Variants in FSTL4 observed in about 807,000 individuals in gnomAD.
FSTL4 encodes the protein follistatin like 4, also known as follistatin-related protein 4.
Under a neutral mutation model 78.2 loss-of-function variants are expected in FSTL4, and 28 were observed. That is an observed-to-expected ratio of 0.36 (90% CI 0.27 to 0.49). The LOEUF (loss-of-function observed/expected upper bound fraction) is 0.49. FSTL4 is among the 20% of genes least tolerant of loss of function. FSTL4 has a pLI of 0.98. For missense variants in FSTL4, 922 were observed against 1,084.9 expected (o/e 0.85, Z 2.11); for synonymous variants, 422 against 440.5 (o/e 0.96, Z 0.53).
At chr5:133,203,267 G>A (rs201707505) in intron 14 of FSTL4, among the ~76,000 whole-genome samples, 1 of 152,216 alleles carries the variant, frequency 6.6e-6, no homozygotes, top group African/African-American at 2.4e-5. Context: ...GTAGAAAGGA[G>A]GGTCTAGATT....
At chr5:133,381,625 CTCTTG>C (rs1755573707) in intron 4 of FSTL4, among the ~76,000 whole-genome samples, 1 of 152,178 alleles carries the variant, frequency 6.6e-6, no homozygotes, top group Non-Finnish European at 1.5e-5. Flanking sequence ...TAAAACACGG[CTCTTG>C]TCTTCACGAT....
chr5:133,376,388 T>C (rs1755436265), intron 4 of FSTL4, among the ~76,000 whole-genome samples: 1 of 152,108 alleles, frequency 6.6e-6, no homozygotes, highest in Non-Finnish European at 1.5e-5. Context: ...ATAATAAAAC[T>C]AGGCCTTTGC....
the FSTL4 span, among the ~76,000 whole-genome samples, chr5:133,825,637 G>C: frequency 4.6e-5 from 7 of 152,228 alleles, no homozygotes; most frequent in Non-Finnish European, 1.0e-4. Context: ...GGCTTCACCA[G>C]GCAGGGAGGG....
intron 4 of FSTL4, among the ~76,000 whole-genome samples, chr5:133,382,562 G>C (rs748444748): frequency 6.6e-6 from 1 of 152,006 alleles, no homozygotes; most frequent in Non-Finnish European, 1.5e-5. Context: ...AAATTGGAGA[G>C]AGGGATTTCT....
At chr5:133,832,619 A>G in the FSTL4 span, among the ~76,000 whole-genome samples, 437 of 152,354 alleles carry the variant, frequency 2.9e-3, 2 homozygotes, top group African/African-American at 9.9e-3. Flanking sequence ...CATTCACCAG[A>G]TATTTCCAGC....
intron 3 of FSTL4, among the ~76,000 whole-genome samples, chr5:133,542,922 C>CTT (rs200858815): frequency 3.5e-5 from 5 of 143,398 alleles, no homozygotes; most frequent in Non-Finnish European, 7.7e-5. Flanking sequence ...TTCTGTTGTA[C>CTT]TTTTTTTTTT....
At chr5:133,513,036 G>T (rs1758768469) in intron 3 of FSTL4, among the ~76,000 whole-genome samples, 1 of 152,074 alleles carries the variant, frequency 6.6e-6, no homozygotes, top group African/African-American at 2.4e-5. Flanking sequence ...GGCCAGGCTG[G>T]TCGTGAACTC....
the FSTL4 span, among the ~76,000 whole-genome samples, chr5:133,730,316 A>G: frequency 1.3e-5 from 2 of 152,192 alleles, no homozygotes; most frequent in Non-Finnish European, 2.9e-5. Flanking sequence ...CTTAAAGAAG[A>G]GCCAACTATT....
intron 12 of FSTL4, 64 bp from the exon 13 acceptor site, chr5:133,217,442 A>ACT: frequency 4.8e-6 from 7 of 1,473,182 alleles, no homozygotes; most frequent in Non-Finnish European, 6.5e-6. Flanking sequence ...ATCTCTAGGT[A>ACT]CTCTCTCCCC....
At chr5:133,730,573 C>G in the FSTL4 span, among the ~76,000 whole-genome samples, 3 of 152,200 alleles carry the variant, frequency 2.0e-5, no homozygotes, top group African/African-American at 7.2e-5. Context: ...CCCAGCTGGC[C>G]ATACCTGGAC....
At chr5:133,309,890 T>C (rs1753739852) in intron 6 of FSTL4, among the ~76,000 whole-genome samples, 1 of 152,210 alleles carries the variant, frequency 6.6e-6, no homozygotes, top group Non-Finnish European at 1.5e-5. Context: ...TGCCAGCCCA[T>C]CAGCTCTAGT....
intron 3 of FSTL4, among the ~76,000 whole-genome samples, chr5:133,518,939 C>A (rs1758918438): frequency 1.3e-5 from 2 of 152,144 alleles, no homozygotes; most frequent in South Asian, 4.1e-4. Flanking sequence ...ATTAAATTAA[C>A]AATAATCTTT....
At chr5:133,479,461 T>TTG (rs1757985809) in intron 3 of FSTL4, among the ~76,000 whole-genome samples, 6 of 152,210 alleles carry the variant, frequency 3.9e-5, no homozygotes, top group Non-Finnish European at 5.9e-5. Context: ...ACCAAGATGT[T>TTG]CATCAGCCGA....
chr5:133,488,556 GCT>G, intron 3 of FSTL4, among the ~76,000 whole-genome samples: 1 of 151,606 alleles, frequency 6.6e-6, no homozygotes, highest in Non-Finnish European at 1.5e-5. Context: ...ACCCAGCCAA[GCT>G]CTCTTTTTAT....
chr5:133,215,201 C>T (rs1750867822), intron 13 of FSTL4, among the ~76,000 whole-genome samples: 1 of 152,096 alleles, frequency 6.6e-6, no homozygotes, highest in South Asian at 2.1e-4. Flanking sequence ...CTAATTTTTT[C>T]CTATCTTTCA....
chr5:133,714,999 C>T, the FSTL4 span, among the ~76,000 whole-genome samples: 1 of 152,262 alleles, frequency 6.6e-6, no homozygotes, highest in South Asian at 2.1e-4. Context: ...TCAGGGCAGT[C>T]TTGGCTTCCT....
intron 4 of FSTL4, among the ~76,000 whole-genome samples, chr5:133,332,176 A>G (rs1754364399): frequency 6.6e-6 from 1 of 152,142 alleles, no homozygotes; most frequent in Admixed American, 6.5e-5. Flanking sequence ...TTGATTCCAG[A>G]CACATCTCAG....
the FSTL4 span, among the ~76,000 whole-genome samples, chr5:133,660,508 G>A: frequency 7.9e-5 from 12 of 152,294 alleles, no homozygotes; most frequent in South Asian, 2.5e-3. Flanking sequence ...ATGGGGCTAT[G>A]GGCAGAACAT....
At chr5:133,677,062 C>A in the FSTL4 span, among the ~76,000 whole-genome samples, 2 of 152,208 alleles carry the variant, frequency 1.3e-5, no homozygotes, top group South Asian at 4.1e-4. Context: ...TTCATTAGTA[C>A]ATTCGTGCTC....
Sources: allele counts gnomAD v4.1 joint callset (sites outside exome capture counted in the v4.1 genomes callset), GRCh38; gene constraint gnomAD v4.1.1; transcripts MANE v1.5; gene names NCBI Gene and HGNC (gene_info 2026-07-23, HGNC 2026-07-21).